The following DNAJC11 variants were observed in gnomAD, a reference collection of about 807,000 sequenced individuals.
DNAJC11 encodes DnaJ heat shock protein family (Hsp40) member C11, also known as dnaJ homolog subfamily C member 11.
DNAJC11 carries 15 observed loss-of-function variants against 78.6 expected under a neutral mutation model. The observed-to-expected ratio is 0.19, with a 90% CI of 0.13 to 0.29. The LOEUF is 0.29. DNAJC11 is among the 10% of genes least tolerant of loss of function. DNAJC11 has a pLI of 1.00. For synonymous variants in DNAJC11, 292 were observed against 272.1 expected (o/e 1.07, Z -0.72); for missense variants, 547 against 709.6 (o/e 0.77, Z 2.60).
intron 4 of DNAJC11, among the ~76,000 whole-genome samples, chr1:6,667,093 C>T (rs527992828): frequency 4.6e-5 from 7 of 152,330 alleles, no homozygotes; most frequent in Admixed American, 4.6e-4. Flanking sequence ...TGAAAAGTAA[C>T]TCTGACTCAG....
chr1:6,694,401 C>A (rs937289912), intron 1 of DNAJC11, among the ~76,000 whole-genome samples: 5 of 152,086 alleles, frequency 3.3e-5, no homozygotes, highest in Non-Finnish European at 7.4e-5. Flanking sequence ...AGATAAAGTA[C>A]CCAGATAGCA....
In DNAJC11 at chr1:6,635,553, C is replaced by T; in HGVS notation, c.*122G>A. On this transcript the variant is annotated 3_prime_UTR_variant, in exon 16 of 16. Coordinates refer to ENST00000377577, the MANE Select transcript of DNAJC11 (RefSeq NM_018198.4). ...TCCCTTCACATAATTGATAATGGTA[C>T]CACCTTCTATAATAATAATATAAAA... The T allele has an allele frequency of 9.2e-7, 1 of 1,085,206 alleles. No individual in the cohort carries two copies. The highest frequency in any genetic ancestry group is 1.5e-5 in the South Asian group (1 of 65,432). 67.2% of individuals were successfully genotyped at this position (1,085,206 alleles called of 1,614,324 possible). A position where few individuals can be genotyped will look rare whatever the true frequency, so the allele number is the denominator to read the frequency against.
intron 4 of DNAJC11, among the ~76,000 whole-genome samples, chr1:6,666,491 A>C (rs760835319): frequency 1.4e-5 from 2 of 146,528 alleles, no homozygotes; most frequent in Non-Finnish European, 1.5e-5. Flanking sequence ...GGTTCAAGCT[A>C]TTCTCCTGTC....
chr1:6,697,004 T>C (rs1333049074), intron 1 of DNAJC11, among the ~76,000 whole-genome samples: 1 of 152,254 alleles, frequency 6.6e-6, no homozygotes. Flanking sequence ...ATCAGGTAAA[T>C]TTAACTCTGA....
In DNAJC11 at chr1:6,645,183, A is replaced by T. The variant is rs1641946854; in HGVS notation, c.895-57T>A. ...CTAGGGCGTGTGACTCTGTGGGGAG[A>T]TGGGTATCTGCCCTCCCACTAGCTC... is the stretch of plus-strand genomic sequence containing the variant. On this transcript the variant is annotated intron_variant, in intron 8 of 15. Coordinates refer to ENST00000377577, the MANE Select transcript of DNAJC11 (RefSeq NM_018198.4). The surrounding 1 kb of genome is among the most constrained non-coding windows in gnomAD (Gnocchi z 4.1). The T allele has an allele frequency of 2.2e-6, 3 of 1,393,776 alleles. No homozygotes were observed. The East Asian group carries it at 7.0e-5, about 32-fold the overall frequency. The allele number at this position is 1,393,776 out of a possible 1,614,324, so 86.3% of individuals were successfully genotyped here. A position where few individuals can be genotyped will look rare whatever the true frequency, so the allele number is the denominator to read the frequency against.
intron 3 of DNAJC11, chr1:6,668,194 G>A (rs373011235): frequency 1.6e-3 from 293 of 178,482 alleles, no homozygotes; most frequent in Admixed American, 3.1e-3. Context: ...CTGAAGTGCC[G>A]TGCATTATCT....
intron 1 of DNAJC11, among the ~76,000 whole-genome samples, chr1:6,694,762 G>C (rs916004393): frequency 6.7e-6 from 1 of 149,646 alleles, no homozygotes; most frequent in South Asian, 2.1e-4. Context: ...TCAGGAGATC[G>C]AGACCATCCT....
chr1:6,642,091 C>T (rs200447), intron 10 of DNAJC11, among the ~76,000 whole-genome samples: 29,634 of 152,082 alleles, frequency 0.19, 3,368 homozygotes, highest in Admixed American at 0.3. Flanking sequence ...AAGGCCACCT[C>T]ATAAGCAGGA....
chr1:6,692,674 G>A (rs1037803888), intron 1 of DNAJC11, among the ~76,000 whole-genome samples: 3 of 143,808 alleles, frequency 2.1e-5, no homozygotes, highest in South Asian at 2.2e-4. Context: ...GCAATGGCAC[G>A]ATCTTGGCTC....
chr1:6,643,097 C>T (rs141098077), intron 10 of DNAJC11, among the ~76,000 whole-genome samples: 35 of 151,998 alleles, frequency 2.3e-4, no homozygotes, highest in East Asian at 3.9e-4. Flanking sequence ...ACGGCCACCG[C>T]GACAGCAGGT....
chr1:6,678,300 C>G (rs1642503666), intron 3 of DNAJC11, 94 bp downstream of exon 3: 3 of 1,271,072 alleles, frequency 2.4e-6, no homozygotes, highest in South Asian at 1.2e-5. Flanking sequence ...TCAAATATTC[C>G]CAAAGACAAT....
chr1:6,648,218 C>G lies in DNAJC11; in HGVS notation c.705-2240G>C, dbSNP rs556113788. Among the ~76,000 whole-genome samples the G allele has an allele frequency of 2.4e-3, 367 of 152,150 alleles. 1 individual carries two copies. Among genetic ancestry groups the G allele is most frequent in the African/African-American group, 8.6e-3 (357 of 41,500 alleles). Reference sequence around the variant, plus strand: ...TCGCCCAGGCTGGAGTGCAGTGGCACGATCTTGGCTCACTGCAACCTCTGC... The same window carrying G: ...TCGCCCAGGCTGGAGTGCAGTGGCAGGATCTTGGCTCACTGCAACCTCTGC... On this transcript the variant is annotated intron_variant, in intron 7 of 15. Transcript: ENST00000377577.
intron 1 of DNAJC11, among the ~76,000 whole-genome samples, chr1:6,688,547 C>T (rs1642693847): frequency 6.6e-6 from 1 of 152,140 alleles, no homozygotes; most frequent in South Asian, 2.1e-4. Flanking sequence ...TCCTATTCCC[C>T]ACCCCCCAAA....
chr1:6,669,527 AAAGAAAAG>A (rs1642344843), intron 3 of DNAJC11, among the ~76,000 whole-genome samples: 2 of 133,692 alleles, frequency 1.5e-5, no homozygotes, highest in Non-Finnish European at 3.2e-5. Flanking sequence ...AAAGAAAAGA[AAAGAAAAG>A]AAAAGAAAAG....
chr1:6,639,789 T>C, intron 11 of DNAJC11, 113 bp downstream of exon 11: 1 of 1,202,744 alleles, frequency 8.3e-7, no homozygotes, highest in South Asian at 1.7e-5. Context: ...CATTACTTAA[T>C]TCAGGTTTCC....
chr1:6,654,199 T>A (rs1454618254), intron 4 of DNAJC11, 160 bp from the exon 5 acceptor site: 23 of 808,922 alleles, frequency 2.8e-5, no homozygotes, highest in Non-Finnish European at 4.1e-5. Flanking sequence ...CCACAAAGCA[T>A]GAATGTCACA....
rs545338651 is a variant in DNAJC11 at position 6,667,666 on chromosome 1, C to A, written c.378+43G>T. On this transcript the variant is annotated intron_variant, in intron 4 of 15. Coordinates refer to ENST00000377577, the MANE Select transcript of DNAJC11 (RefSeq NM_018198.4). ...TCAGACCTGGCTTCTAGTTATGAGG[C>A]CTTTTCATGAAGTGTCCTCATGAAA... The A allele has an allele frequency of 3.7e-5, 56 of 1,516,784 alleles. 1 individual carries two copies. Among genetic ancestry groups the A allele is most frequent in the South Asian group, 6.8e-5 (6 of 88,694 alleles). The allele number at this position is 1,516,784 out of a possible 1,614,324, so 94.0% of individuals were successfully genotyped here.
intron 1 of DNAJC11, among the ~76,000 whole-genome samples, chr1:6,685,220 T>C (rs1275274282): frequency 6.6e-6 from 1 of 152,252 alleles, no homozygotes; most frequent in Non-Finnish European, 1.5e-5. Flanking sequence ...TGCATTTGGT[T>C]AGGCTAGGCT....
At chr1:6,682,163 CAAAAAAAAA>C (rs60985504) in intron 1 of DNAJC11, among the ~76,000 whole-genome samples, 3 of 94,074 alleles carry the variant, frequency 3.2e-5, no homozygotes, top group African/African-American at 8.7e-5. Context: ...ACCATAATTA[CAAAAAAAAA>C]AAAAAAAAAA....
Sources: allele counts gnomAD v4.1 joint callset (sites outside exome capture counted in the v4.1 genomes callset), GRCh38; gene constraint gnomAD v4.1.1; non-coding constraint Gnocchi (gnomAD v3.1); transcripts MANE v1.5; gene names NCBI Gene and HGNC (gene_info 2026-07-23, HGNC 2026-07-21).